The following SYCP2 variants were observed in gnomAD, a reference collection of about 807,000 sequenced individuals.
SYCP2 encodes synaptonemal complex protein 2, also known as synaptonemal complex lateral element protein.
Under a neutral mutation model 211.3 loss-of-function variants are expected in SYCP2, and 55 were observed. The ratio of observed to expected loss-of-function variants is 0.26; its 90% CI spans 0.21 to 0.33. The LOEUF is 0.33. Among genes scored for constraint, SYCP2 ranks in the 10% least tolerant of loss-of-function variants. The probability of loss-of-function intolerance (pLI) is 1.00; values close to 1 mark genes in which losing one functional copy is unlikely to be tolerated. For missense variants in SYCP2, 1,731 were observed against 1,752.0 expected (o/e 0.99, Z 0.21); for synonymous variants, 570 against 555.2 (o/e 1.03, Z -0.37).
At position 59,881,499 on chromosome 20, in the gene SYCP2, T is replaced by G. The variant is rs549813824; in HGVS notation, c.2659-7A>C. ...TAGCTTGAAACTCTTGGATCTATAT[T>G]GTAAATAAACAAAAAAAAAGAGGTG... On this transcript the variant is annotated splice_polypyrimidine_tract_variant and splice_region_variant and intron_variant, in intron 28 of 44. Transcript: ENST00000357552. 1 of 1,446,726 alleles carries G rather than the reference T, an allele frequency of 6.9e-7. No individual in the cohort carries two copies. The highest frequency in any genetic ancestry group is 9.3e-7 in the Non-Finnish European group (1 of 1,076,590). The allele number at this position is 1,446,726 out of a possible 1,614,324, so 89.6% of individuals were successfully genotyped here.
chr20:59,910,374 ATTT>A (rs898302276), intron 14 of SYCP2, among the ~76,000 whole-genome samples: 23 of 76,232 alleles, frequency 3.0e-4, no homozygotes, highest in Middle Eastern at 9.1e-3. Flanking sequence ...GTAATTGCTT[ATTT>A]TTTTTTTTTT....
At chr20:59,888,007 T>C (rs760738511) in intron 24 of SYCP2, among the ~76,000 whole-genome samples, 4 of 152,048 alleles carry the variant, frequency 2.6e-5, no homozygotes, top group Non-Finnish European at 5.9e-5. Context: ...CTATATCTAT[T>C]AAAGAAATGG....
Position 59,901,770 on chromosome 20 carries a change from A to G in SYCP2, c.1074T>C (p.Asn358=). 1 of 1,603,288 alleles carries G rather than the reference A, an allele frequency of 6.2e-7. No individual in the cohort carries two copies. The highest frequency in any genetic ancestry group is 8.5e-7 in the Non-Finnish European group (1 of 1,174,700). The change falls in exon 16 of 45, where the codon AAT becomes AAC. Residue 358 remains asparagine, a synonymous_variant. Coordinates refer to ENST00000357552, the MANE Select transcript of SYCP2 (RefSeq NM_014258.4). Reference sequence around the variant, plus strand: ...CTTCTCTTTTGCTAATTTTTACTGTATTTTTCAGAATTATTGTCAGTAGCT... The same window carrying G: ...CTTCTCTTTTGCTAATTTTTACTGTGTTTTTCAGAATTATTGTCAGTAGCT... ...SKKLLTIILK[N]TVKISKREGK...
intron 24 of SYCP2, among the ~76,000 whole-genome samples, chr20:59,889,377 T>C (rs1245858663): frequency 6.6e-6 from 1 of 151,590 alleles, no homozygotes; most frequent in East Asian, 1.9e-4. Flanking sequence ...GGACTAAAAT[T>C]GCTCCAAAAA....
Position 59,910,374 on chromosome 20 carries a change from A to ATTTTTTTT in SYCP2, c.972+1368_972+1375dup, listed in dbSNP as rs898302276. 4.9e-3 allele frequency among the ~76,000 whole-genome samples: 376 copies of ATTTTTTTT among 76,234 alleles called. 54 individuals are homozygous for ATTTTTTTT. The highest frequency in any genetic ancestry group is 0.02 in the African/African-American group (339 of 16,902). 50.0% of individuals were successfully genotyped at this position (76,234 alleles called of 152,430 possible). On this transcript the variant is annotated intron_variant, in intron 14 of 44. Transcript: ENST00000357552. ...GTATACTGCTATAGTGTAATTGCTT[A>ATTTTTTTT]TTTTTTTTTTTTTTTTTTTTTTTTT... is the stretch of plus-strand genomic sequence containing the variant.
At chr20:59,908,779 C>A (rs528190976) in intron 14 of SYCP2, among the ~76,000 whole-genome samples, 1 of 152,126 alleles carries the variant, frequency 6.6e-6, no homozygotes, top group African/African-American at 2.4e-5. Flanking sequence ...CTCCATTATA[C>A]TCCTTCCTCC....
At chr20:59,880,160 C>T (rs1230634075) in intron 31 of SYCP2, 143 bp downstream of exon 31, 1 of 628,302 alleles carries the variant, frequency 1.6e-6, no homozygotes, top group Non-Finnish European at 2.6e-6. Context: ...AAACAAAAAA[C>T]ATAAAAACTA....
At chr20:59,893,629 G>A in intron 20 of SYCP2, 36 bp from the exon 21 acceptor site, 1 of 1,484,776 alleles carries the variant, frequency 6.7e-7, no homozygotes, top group Non-Finnish European at 9.3e-7. Context: ...GTAAACTTAA[G>A]ATGTTATATG....
intron 35 of SYCP2, among the ~76,000 whole-genome samples, chr20:59,871,215 C>T (rs1180893570): frequency 6.6e-6 from 1 of 151,676 alleles, no homozygotes; most frequent in Non-Finnish European, 1.5e-5. Flanking sequence ...CACAAAATGG[C>T]CAAAATCATG....
intron 18 of SYCP2, among the ~76,000 whole-genome samples, chr20:59,898,172 G>T (rs1211354353): frequency 6.6e-6 from 1 of 152,050 alleles, no homozygotes; most frequent in Non-Finnish European, 1.5e-5. Flanking sequence ...ATTCCTCAAG[G>T]ATCTAGAACC....
intron 18 of SYCP2, among the ~76,000 whole-genome samples, chr20:59,898,392 A>T (rs2060051850): frequency 6.6e-6 from 1 of 152,212 alleles, no homozygotes; most frequent in Non-Finnish European, 1.5e-5. Flanking sequence ...TGCAGCCATA[A>T]AAAGGATGAG....
At chr20:59,878,504 A>G (rs143069360) in intron 31 of SYCP2, among the ~76,000 whole-genome samples, 1 of 152,190 alleles carries the variant, frequency 6.6e-6, no homozygotes, top group Non-Finnish European at 1.5e-5. Context: ...TAAGTTAAAA[A>G]GTTAACACCT....
Position 59,867,775 on chromosome 20 carries a change from G to A in SYCP2, c.4061C>T (p.Ala1354Val), listed in dbSNP as rs767218208. The A allele has an allele frequency of 1.6e-5, 26 of 1,609,346 alleles. No homozygotes were observed. Among genetic ancestry groups the A allele is most frequent in the African/African-American group, 5.4e-5 (4 of 74,656 alleles). The change falls in exon 39 of 45, where the codon GCA (alanine) becomes GTA (valine). Residue 1354 changes from alanine (A) to valine (V), a missense_variant. Physicochemically the swap from Ala to Val is moderately conservative, Grantham distance 64. Transcript: ENST00000357552. ...AGTCTCATAAGTCATCTCTATCCCTGCAAATTCATTTTGCCAGGTCTCCCA... is the reference window on the plus strand; with the variant it reads ...AGTCTCATAAGTCATCTCTATCCCTACAAATTCATTTTGCCAGGTCTCCCA... ...IPWETWQNEF[A>V]GIEMTYETYE...
At chr20:59,867,627 G>T in intron 39 of SYCP2, 84 bp downstream of exon 39, 1 of 1,223,026 alleles carries the variant, frequency 8.2e-7, no homozygotes, top group Non-Finnish European at 1.1e-6. Context: ...GTTGCCAAAG[G>T]ATCAAACAAG....
rs1428353787 is a variant in SYCP2 at position 59,900,135 on chromosome 20, T to C, written c.1404+3A>G. 5.0e-6 allele frequency: 8 copies of C among 1,612,814 alleles called. No homozygotes were observed. The highest frequency in any genetic ancestry group is 6.8e-6 in the Non-Finnish European group (8 of 1,179,276). On this transcript the variant is annotated splice_donor_region_variant and intron_variant, in intron 18 of 44. Transcript: ENST00000357552. Reference sequence around the variant, plus strand: ...TAAGCCAGTATTTTGACACCATCTTTACCTCAAGCTGACTATTATTTCTAT... The same window carrying C: ...TAAGCCAGTATTTTGACACCATCTTCACCTCAAGCTGACTATTATTTCTAT...
intron 18 of SYCP2, among the ~76,000 whole-genome samples, chr20:59,897,032 G>T (rs2060023059): frequency 6.6e-6 from 1 of 152,130 alleles, no homozygotes; most frequent in African/African-American, 2.4e-5. Flanking sequence ...AGATTCAGTG[G>T]CACATAATCT....
rs905638491 is a variant in SYCP2 at position 59,868,342 on chromosome 20, T to C, written c.3988+71A>G. On this transcript the variant is annotated intron_variant, in intron 38 of 44. Transcript: ENST00000357552. Reference sequence around the variant, plus strand: ...TGTCTTTACAAATTTGTTTTGTAAATAGACTCATTCAAAATATAAGAACCA... The same window carrying C: ...TGTCTTTACAAATTTGTTTTGTAAACAGACTCATTCAAAATATAAGAACCA... The C allele has an allele frequency of 2.0e-6, 3 of 1,499,472 alleles. No individual in the cohort carries two copies. In the African/African-American group the frequency reaches 4.2e-5, roughly 21 times the overall value. The allele number at this position is 1,499,472 out of a possible 1,614,324, so 92.9% of individuals were successfully genotyped here.
At chr20:59,898,972 G>A (rs970754120) in intron 18 of SYCP2, among the ~76,000 whole-genome samples, 2 of 152,156 alleles carry the variant, frequency 1.3e-5, no homozygotes, top group African/African-American at 4.8e-5. Flanking sequence ...TCTCAGAACT[G>A]AGCCAAAATT....
chr20:59,867,117 GGGA>G (rs1488170101), intron 39 of SYCP2, among the ~76,000 whole-genome samples: 1 of 67,932 alleles, frequency 1.5e-5, no homozygotes, highest in African/African-American at 5.9e-5. Flanking sequence ...GGGGGGGGGG[GGGA>G]GGGTGTTGAT....
Sources: allele counts gnomAD v4.1 joint callset (sites outside exome capture counted in the v4.1 genomes callset), GRCh38; gene constraint gnomAD v4.1.1; transcripts MANE v1.5; gene names NCBI Gene and HGNC (gene_info 2026-07-23, HGNC 2026-07-21).